Variants in ABCA6 observed in about 807,000 individuals in gnomAD.
ABCA6 encodes the protein ATP binding cassette subfamily A member 6, also known as ATP-binding cassette sub-family A member 6.
A neutral mutation model predicts 191.2 loss-of-function variants in ABCA6; 164 were observed. That is an observed-to-expected ratio of 0.86 (90% confidence interval 0.76 to 0.98). ABCA6 has a LOEUF of 0.98. Ranked by LOEUF, ABCA6 falls within the 50% of genes least tolerant of loss-of-function variation. The probability of loss-of-function intolerance (pLI) is 0.00; values close to 1 mark genes in which losing one functional copy is unlikely to be tolerated. For synonymous variants in ABCA6, 636 were observed against 647.7 expected, an observed-to-expected ratio of 0.98 and a Z score of 0.27; for missense variants, 1,958 against 1,894.1, an observed-to-expected ratio of 1.03 and a Z score of -0.63.
Position 69,085,519 on chromosome 17 carries a change from C to CAAA in ABCA6, c.4029+103_4029+105dup, listed in dbSNP as rs35438104. On this transcript the variant is annotated intron_variant, in intron 31 of 38. Coordinates refer to ENST00000284425, the MANE Select transcript of ABCA6 (RefSeq NM_080284.3). ...GGGAAAAATAAAATTTATCCAAAGG[C>CAAA]AAAAAAAAAAAAAAAAGAAAAGAAA... 2,753 of 474,004 alleles carry CAAA rather than the reference C, an allele frequency of 5.8e-3. 38 individuals are homozygous for CAAA. The highest frequency in any genetic ancestry group is 0.043 in the African/African-American group (1,591 of 37,052). The allele number at this position is 474,004 out of a possible 1,614,324, so 29.4% of individuals were successfully genotyped here.
Position 69,113,164 on chromosome 17 carries a change from C to T in ABCA6, c.2041+58G>A, listed in dbSNP as rs2073463487. 5 of 1,555,340 alleles carry T rather than the reference C, an allele frequency of 3.2e-6. No individual in the cohort carries two copies. The African/African-American group carries it at 4.2e-5, about 13-fold the overall frequency. The stretch of plus-strand genomic sequence containing the variant: ...CAGGGCTCTTACCCTGGGAATAGAC[C>T]TCGCTTCTAAATTCCCCAATTGCAT... On this transcript the variant is annotated intron_variant, in intron 15 of 38. Transcript: ENST00000284425.
chr17:69,112,090 A>C, intron 16 of ABCA6, 93 bp downstream of exon 16: 1 of 919,526 alleles, frequency 1.1e-6, no homozygotes, highest in East Asian at 2.4e-5. Context: ...GGTAGAGATG[A>C]AGCACGAGGC....
At chr17:69,091,063 TC>T in intron 26 of ABCA6, 79 bp downstream of exon 26, 1 of 1,434,088 alleles carries the variant, frequency 7.0e-7, no homozygotes, top group Non-Finnish European at 9.4e-7. Flanking sequence ...TCCACTACTT[TC>T]TGTCTCTCTT....
At chr17:69,086,003 C>T (rs186177746) in intron 30 of ABCA6, among the ~76,000 whole-genome samples, 36 of 152,110 alleles carry the variant, frequency 2.4e-4, no homozygotes, top group African/African-American at 8.0e-4. Context: ...AATAGATGGC[C>T]GATGCACTGA....
Position 69,125,051 on chromosome 17 carries a change from T to C in ABCA6, c.1120-16A>G. On this transcript the variant is annotated splice_polypyrimidine_tract_variant and intron_variant, in intron 8 of 38. Transcript: ENST00000284425. ...GTTTGATAATCTAAGATTCAAAAAA[T>C]AAAAATAAATGTTTAAAATAAATAA... 3.2e-6 allele frequency: 4 copies of C among 1,232,674 alleles called. No individual in the cohort carries two copies. Among genetic ancestry groups the C allele is most frequent in the Non-Finnish European group, 4.3e-6 (4 of 925,398 alleles). The allele number at this position is 1,232,674 out of a possible 1,614,324, so 76.4% of individuals were successfully genotyped here.
chr17:69,112,171 C>A lies in ABCA6; in HGVS notation c.2132+12G>T. On this transcript the variant is annotated intron_variant, in intron 16 of 38. Coordinates refer to ENST00000284425, the MANE Select transcript of ABCA6 (RefSeq NM_080284.3). The stretch of plus-strand genomic sequence containing the variant: ...CAAACACATAAATCCAATCTATTCC[C>A]AAAGTCTTTACCTTAGGTGATATCC... The A allele has an allele frequency of 6.3e-7, 1 of 1,595,116 alleles. No homozygotes were observed.
chr17:69,083,901 A>AG (rs1301558059), intron 34 of ABCA6, among the ~76,000 whole-genome samples: 1 of 152,200 alleles, frequency 6.6e-6, no homozygotes, highest in Admixed American at 6.5e-5. Flanking sequence ...AGGAAAAAAA[A>AG]CAAACAGGAA....
At chr17:69,136,413 G>A (rs2073949548) in intron 3 of ABCA6, among the ~76,000 whole-genome samples, 163 bp from the exon 4 acceptor site, 1 of 152,076 alleles carries the variant, frequency 6.6e-6, no homozygotes, top group African/African-American at 2.4e-5. Flanking sequence ...AAATTTAATG[G>A]TTTAGATTCT....
At chr17:69,092,487 G>C (rs1004950666) in intron 25 of ABCA6, among the ~76,000 whole-genome samples, 1 of 152,144 alleles carries the variant, frequency 6.6e-6, no homozygotes, top group African/African-American at 2.4e-5. Context: ...GAACAAGAGA[G>C]GAGTCTAAAC....
At chr17:69,112,414 C>A (rs1284476439) in intron 15 of ABCA6, 141 bp from the exon 16 acceptor site, 3 of 584,168 alleles carry the variant, frequency 5.1e-6, no homozygotes, top group Non-Finnish European at 9.1e-6. Flanking sequence ...TGCATTTTAA[C>A]ATTTGAAATA....
At chr17:69,125,361 A>G (rs1568030027) in intron 8 of ABCA6, among the ~76,000 whole-genome samples, 2 of 151,964 alleles carry the variant, frequency 1.3e-5, no homozygotes, top group Non-Finnish European at 2.9e-5. Context: ...TTTGGAAAGA[A>G]TATAAGAAAT....
intron 4 of ABCA6, among the ~76,000 whole-genome samples, 156 bp from the exon 5 acceptor site, chr17:69,134,898 T>TTTTTTTTTTTG (rs2073925454): frequency 6.8e-6 from 1 of 147,282 alleles, no homozygotes. Flanking sequence ...CTTTTTTTTT[T>TTTTTTTTTTTG]TGGAGATGAA....
At chr17:69,092,344 TTTTA>T (rs1166841244) in intron 25 of ABCA6, among the ~76,000 whole-genome samples, 4 of 152,222 alleles carry the variant, frequency 2.6e-5, no homozygotes, top group African/African-American at 9.7e-5. Context: ...AATGTAGTAC[TTTTA>T]TTATCTCTCC....
chr17:69,108,930 C>A (rs919260585), intron 17 of ABCA6: 3 of 152,212 alleles, frequency 2.0e-5, no homozygotes, highest in Non-Finnish European at 4.4e-5. Flanking sequence ...GTAGTACCAA[C>A]ATATAATTCC....
At chr17:69,134,888 CTTT>C (rs58333377) in intron 4 of ABCA6, 146 bp from the exon 5 acceptor site, 13 of 312,904 alleles carry the variant, frequency 4.2e-5, no homozygotes, top group South Asian at 3.2e-4. Context: ...TTGTGGTTGT[CTTT>C]TTTTTTTTGG....
At chr17:69,084,998 A>T (rs371622240) in intron 32 of ABCA6, 30 bp downstream of exon 32, 142 of 1,571,172 alleles carry the variant, frequency 9.0e-5, no homozygotes, top group Non-Finnish European at 1.2e-4. Context: ...CTGCATTCTG[A>T]CACAAAGGAA....
At position 69,114,766 on chromosome 17, in the gene ABCA6, T is replaced by C; in HGVS notation, c.1778A>G (p.Gln593Arg). ...IKGIHLKEVE[Q>R]EVQRILLELD... ...AATCCAAGCATGCCCTCCTACCTCT[T>C]GTTCCACTTCCTTTAGATGAATCCC... is the stretch of plus-strand genomic sequence containing the variant. The change falls in exon 13 of 39, where the codon CAA (glutamine) becomes CGA (arginine). Residue 593 changes from glutamine to arginine, a missense_variant. Gln to Arg is a conservative substitution (Grantham distance 43, BLOSUM62 1). Coordinates refer to ENST00000284425, the MANE Select transcript of ABCA6 (RefSeq NM_080284.3). 6.2e-7 allele frequency: 1 copy of C among 1,608,686 alleles called. No homozygotes were observed. The highest frequency in any genetic ancestry group is 8.5e-7 in the Non-Finnish European group (1 of 1,177,714).
chr17:69,131,856 A>G (rs999111356), intron 6 of ABCA6, among the ~76,000 whole-genome samples: 7 of 152,174 alleles, frequency 4.6e-5, no homozygotes, highest in African/African-American at 1.7e-4. Context: ...GAGTTGACTC[A>G]TGCCTCCCTG....
intron 22 of ABCA6, among the ~76,000 whole-genome samples, chr17:69,100,314 C>A (rs542547550): frequency 4.1e-4 from 60 of 147,970 alleles, no homozygotes; most frequent in Admixed American, 1.1e-3. Flanking sequence ...GTATTAGGCT[C>A]CCTCACAACA....
Sources: gnomAD v4.1 joint callset for allele counts (sites outside exome capture counted in the v4.1 genomes callset) on GRCh38, gnomAD v4.1.1 for gene constraint, MANE v1.5 for transcripts, NCBI Gene and HGNC (gene_info 2026-07-23, HGNC 2026-07-21) for gene names.